The following TXNDC11 variants were observed in gnomAD, a reference collection of about 807,000 sequenced individuals.
The protein encoded by TXNDC11 is thioredoxin domain-containing protein 11.
In TXNDC11, 68 loss-of-function variants were observed where a neutral mutation model predicts 78.0. That is an observed-to-expected ratio of 0.87 (90% CI 0.72 to 1.07). TXNDC11 has a LOEUF of 1.07. TXNDC11 is among the 50% of genes least tolerant of loss of function. TXNDC11 has a pLI of 0.00. For missense variants in TXNDC11, 1,389 were observed against 1,221.8 expected (o/e 1.14, Z -2.04); for synonymous variants, 571 against 495.2 (o/e 1.15, Z -2.03).
intron 5 of TXNDC11, among the ~76,000 whole-genome samples, chr16:11,711,825 G>A (rs774254915): frequency 6.6e-5 from 10 of 152,188 alleles, no homozygotes; most frequent in Admixed American, 1.3e-4. Context: ...CTGTGAAACT[G>A]GAATAAACAC....
chr16:11,730,835 C>A (rs1441759099), intron 3 of TXNDC11, 61 bp from the exon 4 acceptor site: 35 of 1,271,168 alleles, frequency 2.8e-5, no homozygotes, highest in Non-Finnish European at 3.6e-5. Flanking sequence ...ATGCATTAAG[C>A]CTGTAATGTA....
intron 7 of TXNDC11, among the ~76,000 whole-genome samples, chr16:11,695,300 T>C (rs2142002898): frequency 6.6e-6 from 1 of 152,200 alleles, no homozygotes; most frequent in Non-Finnish European, 1.5e-5. Context: ...ATATGGTCAC[T>C]CCTGACTGGC....
chr16:11,700,781 C>T (rs767491891), intron 5 of TXNDC11, among the ~76,000 whole-genome samples: 3 of 152,196 alleles, frequency 2.0e-5, no homozygotes, highest in African/African-American at 7.2e-5. Context: ...ATGTCTCTGA[C>T]TAACGTCTCT....
rs948235118 is a variant in TXNDC11, at chr16:11,679,114, C to T, written c.*81G>A. 5 of 1,407,628 alleles carry T rather than the reference C, an allele frequency of 3.6e-6. No homozygotes were observed. The highest frequency in any genetic ancestry group is 4.6e-5 in the Admixed American group (2 of 43,070). The allele number at this position is 1,407,628 out of a possible 1,614,324, so 87.2% of individuals were successfully genotyped here. On this transcript the variant is annotated 3_prime_UTR_variant, in exon 12 of 12. Coordinates refer to ENST00000283033, the MANE Select transcript of TXNDC11 (RefSeq NM_015914.7). The surrounding 1 kb of genome is among the most constrained non-coding windows in gnomAD (Gnocchi z 4.6). ...AGACCACTGAGAAAATCTTTATTTA[C>T]AATAAATTTCAATAAAATTTGCATA... is the stretch of plus-strand genomic sequence containing the variant.
In TXNDC11 at chr16:11,688,391, A is replaced by C; in HGVS notation, c.1955T>G (p.Ile652Ser). The C allele has an allele frequency of 6.2e-7, 1 of 1,614,064 alleles. No individual in the cohort carries two copies. Among genetic ancestry groups the C allele is most frequent in the Non-Finnish European group, 8.5e-7 (1 of 1,179,882 alleles). The change falls in exon 9 of 12, where the codon ATT becomes AGT. Residue 652 changes from isoleucine to serine, a missense_variant. Transcript: ENST00000283033. ...VLYSPLKRHL[I>S]GSGSAQFPSQ... ...CGGGAACTGGGCAGAGCCACTTCCA[A>C]TGAGATGCCTTTTCAAGGGACTATA...
At position 11,679,619 on chromosome 16, in the gene TXNDC11, T is replaced by C; in HGVS notation, c.2453A>G (p.Gln818Arg). 1 of 1,614,208 alleles carries C rather than the reference T, an allele frequency of 6.2e-7. No homozygotes were observed. The stretch of plus-strand genomic sequence containing the variant: ...GGACTCCACCTGCACTTGTGCTCGC[T>C]GGAGGCTGCTTATTTCTGCTCTCAG... ...QKLRAEISSL[Q>R]RAQVQVESQL... The change falls in exon 12 of 12, where the codon CAG (glutamine) becomes CGG (arginine). Residue 818 changes from glutamine to arginine, a missense_variant. Transcript: ENST00000283033. The surrounding 1 kb of genome is among the most constrained non-coding windows in gnomAD (Gnocchi z 4.6).
intron 5 of TXNDC11, among the ~76,000 whole-genome samples, chr16:11,711,585 G>A (rs2051362288): frequency 1.3e-5 from 2 of 152,148 alleles, no homozygotes; most frequent in Non-Finnish European, 2.9e-5. Flanking sequence ...TGATTCTTAA[G>A]AATCCTTCTG....
At chr16:11,718,644 A>C (rs2051615187) in intron 5 of TXNDC11, among the ~76,000 whole-genome samples, 1 of 152,334 alleles carries the variant, frequency 6.6e-6, no homozygotes, top group South Asian at 2.1e-4. Flanking sequence ...TTCATAGTGC[A>C]CATATTACAG....
At chr16:11,696,578 G>A (rs753251881) in intron 7 of TXNDC11, among the ~76,000 whole-genome samples, 2 of 152,186 alleles carry the variant, frequency 1.3e-5, no homozygotes, top group Admixed American at 1.3e-4. Flanking sequence ...CAGGCACTTT[G>A]CTTGTCTGAG....
rs747733470 is a variant in TXNDC11, at chr16:11,679,451, G to A, written c.2621C>T (p.Ala874Val). 8.1e-6 allele frequency: 13 copies of A among 1,613,716 alleles called. No homozygotes were observed. Among genetic ancestry groups the A allele is most frequent in the Non-Finnish European group, 1.0e-5 (12 of 1,180,014 alleles). The change falls in exon 12 of 12, where the codon GCC becomes GTC. Residue 874 changes from alanine (A) to valine (V), a missense_variant. By Grantham distance (64) the Ala-to-Val change is moderately conservative. Transcript: ENST00000283033. The surrounding 1 kb of genome is among the most constrained non-coding windows in gnomAD (Gnocchi z 4.6). Reference sequence around the variant, plus strand: ...ATCGGCCAGCTCCTGCAGCTTGCGGGCCAGCTCCTGCAGCTCACGTGTCTT... The same window carrying A: ...ATCGGCCAGCTCCTGCAGCTTGCGGACCAGCTCCTGCAGCTCACGTGTCTT... The part of the protein sequence containing the change: ...EQKTRELQEL[A>V]RKLQELADAS...
In TXNDC11 at chr16:11,700,571, C is replaced by G; in HGVS notation, c.794-7G>C. 6.6e-7 allele frequency: 1 copy of G among 1,504,040 alleles called. No individual in the cohort carries two copies. Among genetic ancestry groups the G allele is most frequent in the Non-Finnish European group, 9.2e-7 (1 of 1,086,366 alleles). The allele number at this position is 1,504,040 out of a possible 1,614,324, so 93.2% of individuals were successfully genotyped here. On this transcript the variant is annotated splice_region_variant and splice_polypyrimidine_tract_variant and intron_variant, in intron 5 of 11. Coordinates refer to ENST00000283033, the MANE Select transcript of TXNDC11 (RefSeq NM_015914.7). ...CGTACTGTTCCTAGGTAATCTGAAA[C>G]AGAAAATTTTCCTTTATTAAAGAAA... is the stretch of plus-strand genomic sequence containing the variant.
At chr16:11,730,887 T>G (rs1437015770) in intron 3 of TXNDC11, 113 bp from the exon 4 acceptor site, 7 of 826,522 alleles carry the variant, frequency 8.5e-6, no homozygotes, top group Non-Finnish European at 1.2e-5. Context: ...GTGTCTTGCT[T>G]TGGGATCCAA....
At chr16:11,705,295 ACT>A (rs1226272717) in intron 5 of TXNDC11, among the ~76,000 whole-genome samples, 5 of 152,182 alleles carry the variant, frequency 3.3e-5, no homozygotes, top group East Asian at 1.9e-4. Context: ...CAATTATGGA[ACT>A]CTCTGTTTTA....
chr16:11,694,264 G>C (rs1023469704), intron 7 of TXNDC11, among the ~76,000 whole-genome samples: 2 of 150,040 alleles, frequency 1.3e-5, no homozygotes, highest in African/African-American at 4.9e-5. Context: ...CATGCATCAC[G>C]ACACCCAGCC....
At chr16:11,708,142 C>A (rs1251166071) in intron 5 of TXNDC11, among the ~76,000 whole-genome samples, 1 of 152,148 alleles carries the variant, frequency 6.6e-6, no homozygotes, top group African/African-American at 2.4e-5. Context: ...TATTGTATTT[C>A]CATTAGATTA....
At chr16:11,680,675 T>TG (rs1482458849) in intron 11 of TXNDC11, among the ~76,000 whole-genome samples, 1 of 152,114 alleles carries the variant, frequency 6.6e-6, no homozygotes, top group African/African-American at 2.4e-5. Flanking sequence ...AGGTATGAGG[T>TG]GGGCCGGCAG....
chr16:11,713,078 G>A (rs1169957198), intron 5 of TXNDC11, among the ~76,000 whole-genome samples: 1 of 143,128 alleles, frequency 7.0e-6, no homozygotes, highest in Non-Finnish European at 1.5e-5. Flanking sequence ...TTGCACTCCA[G>A]CCTGGGCAAC....
intron 5 of TXNDC11, among the ~76,000 whole-genome samples, chr16:11,710,301 C>A (rs893644318): frequency 6.6e-6 from 1 of 150,506 alleles, no homozygotes; most frequent in Admixed American, 6.6e-5. Context: ...TTCTTAAGGT[C>A]TAACACAGGA....
At position 11,736,081 on chromosome 16, in the gene TXNDC11, C is replaced by A; in HGVS notation, c.407G>T (p.Trp136Leu). The part of the protein sequence containing the change: ...EVVLLFFYAP[W>L]CGQSIAARAE... The stretch of plus-strand genomic sequence containing the variant: ...CCTGGCAGCGATGGACTGTCCACAC[C>A]AAGGGGCATAGAAGAAGAGCAGTAC... Residue 136 changes from tryptophan (W) to leucine (L), a missense_variant, in exon 2 of 12, where the codon TGG becomes TTG. Physicochemically the swap from Trp to Leu is moderately conservative, Grantham distance 61. Transcript: ENST00000283033. 6.2e-7 allele frequency: 1 copy of A among 1,614,132 alleles called. No homozygotes were observed. Among genetic ancestry groups the A allele is most frequent in the Non-Finnish European group, 8.5e-7 (1 of 1,180,036 alleles).
Sources: gnomAD v4.1 joint callset for allele counts (sites outside exome capture counted in the v4.1 genomes callset) on GRCh38, gnomAD v4.1.1 for gene constraint, Gnocchi (gnomAD v3.1) non-coding constraint, MANE v1.5 for transcripts, NCBI Gene and HGNC (gene_info 2026-07-23, HGNC 2026-07-21) for gene names.